Variants in PRKN observed in about 807,000 individuals in gnomAD.
PRKN encodes the protein parkin RBR E3 ubiquitin protein ligase, also known as E3 ubiquitin-protein ligase parkin.
Under a neutral mutation model 59.5 loss-of-function variants are expected in PRKN, and 56 were observed. The ratio of observed to expected loss-of-function variants is 0.94; its 90% CI spans 0.76 to 1.18. PRKN has a LOEUF of 1.18. Among genes scored for constraint, PRKN ranks in the 50% most tolerant of loss-of-function variants. PRKN has a pLI of 0.00. For missense variants in PRKN, 657 were observed against 596.4 expected, an observed-to-expected ratio of 1.10 and a Z score of -1.06; for synonymous variants, 250 against 222.1, an observed-to-expected ratio of 1.13 and a Z score of -1.12.
chr6:161,569,874 G>A (rs1033942817), intron 7 of PRKN, among the ~76,000 whole-genome samples: 6 of 152,180 alleles, frequency 3.9e-5, no homozygotes, highest in African/African-American at 9.6e-5. Context: ...AGCAAAGGTC[G>A]GGTAGCTACA....
intron 1 of PRKN, among the ~76,000 whole-genome samples, chr6:162,720,534 T>C (rs1778903097): frequency 7.0e-6 from 1 of 142,270 alleles, no homozygotes; most frequent in Non-Finnish European, 1.5e-5. Context: ...CACTGCAAGC[T>C]CCGCTTCCCG....
At chr6:162,646,723 C>G (rs1041563747) in intron 1 of PRKN, among the ~76,000 whole-genome samples, 1 of 152,146 alleles carries the variant, frequency 6.6e-6, no homozygotes, top group African/African-American at 2.4e-5. Flanking sequence ...CTGGTATAGC[C>G]TACTACACAC....
At chr6:161,532,851 G>T (rs1779275221) in intron 9 of PRKN, among the ~76,000 whole-genome samples, 1 of 152,116 alleles carries the variant, frequency 6.6e-6, no homozygotes, top group Non-Finnish European at 1.5e-5. Context: ...CTCAAATACT[G>T]GTAGAAAGCC....
chr6:161,527,744 T>A lies in PRKN; in HGVS notation c.1083+21110A>T, dbSNP rs1291898100. Reference sequence around the variant, plus strand: ...GCCAAGCTATTGCTAATCAGAACATTCTCCGGCTCTCCAGTCTTCTTTATT... The same window carrying A: ...GCCAAGCTATTGCTAATCAGAACATACTCCGGCTCTCCAGTCTTCTTTATT... On this transcript the variant is annotated intron_variant, in intron 9 of 11. Transcript: ENST00000366898. The surrounding 1 kb of genome is among the most constrained non-coding windows in gnomAD (Gnocchi z 4.6). 1.3e-5 allele frequency among the ~76,000 whole-genome samples: 2 copies of A among 152,204 alleles called. No individual in the cohort carries two copies. The highest frequency in any genetic ancestry group is 4.8e-5 in the African/African-American group (2 of 41,456).
chr6:162,391,536 T>C (rs1787192840), intron 2 of PRKN, among the ~76,000 whole-genome samples: 1 of 151,966 alleles, frequency 6.6e-6, no homozygotes, highest in South Asian at 2.1e-4. Context: ...TTCGAAAATC[T>C]GCAATGACTT....
intron 2 of PRKN, among the ~76,000 whole-genome samples, chr6:162,426,994 A>G (rs1178910689): frequency 6.6e-6 from 1 of 152,232 alleles, no homozygotes; most frequent in African/African-American, 2.4e-5. Flanking sequence ...TTGTGCATTA[A>G]AATAATTCAC....
chr6:162,497,426 A>T (rs909110970), intron 1 of PRKN, among the ~76,000 whole-genome samples: 21 of 152,256 alleles, frequency 1.4e-4, no homozygotes, highest in Non-Finnish European at 5.9e-5. Context: ...CCAAATTGTG[A>T]TTGTCAAAAT....
At chr6:162,490,275 T>C (rs1461707222) in intron 1 of PRKN, among the ~76,000 whole-genome samples, 1 of 152,244 alleles carries the variant, frequency 6.6e-6, no homozygotes, top group Admixed American at 6.5e-5. Context: ...TCTACCCTTT[T>C]ATGAAATATT....
chr6:162,313,547 G>GGGATTC (rs1188442514), intron 2 of PRKN, among the ~76,000 whole-genome samples: 1 of 151,870 alleles, frequency 6.6e-6, no homozygotes, highest in Non-Finnish European at 1.5e-5. Context: ...GAATCCAATG[G>GGGATTC]TGCGATCTTG....
At chr6:162,361,280 CAT>C (rs959558011) in intron 2 of PRKN, among the ~76,000 whole-genome samples, 16 of 152,040 alleles carry the variant, frequency 1.1e-4, no homozygotes. Context: ...TCAAAAAATT[CAT>C]ATGTTGAACC....
intron 6 of PRKN, among the ~76,000 whole-genome samples, chr6:161,907,299 C>T (rs556244696): frequency 1.7e-4 from 26 of 152,080 alleles, no homozygotes; most frequent in African/African-American, 5.5e-4. Flanking sequence ...AAGGCAAAAT[C>T]GTCAAGGGTT....
At chr6:162,273,490 GA>G (rs1318148925) in intron 2 of PRKN, among the ~76,000 whole-genome samples, 3 of 152,176 alleles carry the variant, frequency 2.0e-5, no homozygotes, top group East Asian at 3.9e-4. Flanking sequence ...ACAAAAAAAG[GA>G]ACCCAAAAGA....
chr6:161,602,121 T>TATCTATCTATCTATCA (rs1554281953), intron 7 of PRKN, among the ~76,000 whole-genome samples: 1 of 152,068 alleles, frequency 6.6e-6, no homozygotes, highest in African/African-American at 2.4e-5. Flanking sequence ...TCTATCTATC[T>TATCTATCTATCTATCA]ATCTATCTAT....
intron 7 of PRKN, among the ~76,000 whole-genome samples, chr6:161,657,578 C>G (rs1487659632): frequency 6.6e-6 from 1 of 152,154 alleles, no homozygotes; most frequent in African/African-American, 2.4e-5. Context: ...AACTCACTTC[C>G]AAAACATTCA....
intron 2 of PRKN, among the ~76,000 whole-genome samples, chr6:162,283,171 T>C (rs1304608753): frequency 6.6e-6 from 1 of 152,182 alleles, no homozygotes; most frequent in Non-Finnish European, 1.5e-5. Context: ...TACAAGCTCA[T>C]TTTACACACA....
chr6:161,365,892 G>A (rs1325591797), intron 10 of PRKN, among the ~76,000 whole-genome samples: 1 of 152,218 alleles, frequency 6.6e-6, no homozygotes. Context: ...AGGGGAGAGG[G>A]AGGTAGCTAG....
intron 1 of PRKN, among the ~76,000 whole-genome samples, chr6:162,556,296 G>A (rs1779566432): frequency 6.6e-6 from 1 of 150,826 alleles, no homozygotes; most frequent in African/African-American, 2.4e-5. Context: ...TTTGATCAGA[G>A]GCAACTGAAG....
intron 7 of PRKN, among the ~76,000 whole-genome samples, chr6:161,762,133 T>A (rs1789229607): frequency 6.6e-6 from 1 of 152,084 alleles, no homozygotes; most frequent in Non-Finnish European, 1.5e-5. Context: ...GGAATTTAGG[T>A]AGCCAAGAAA....
chr6:162,530,647 G>A (rs182864655), intron 1 of PRKN, among the ~76,000 whole-genome samples: 24 of 144,344 alleles, frequency 1.7e-4, no homozygotes, highest in South Asian at 1.5e-3. Flanking sequence ...ACTGGAAAGC[G>A]TCTTATGAAG....
Sources: gnomAD v4.1 joint callset for allele counts (sites outside exome capture counted in the v4.1 genomes callset) on GRCh38, gnomAD v4.1.1 for gene constraint, Gnocchi (gnomAD v3.1) non-coding constraint, MANE v1.5 for transcripts, NCBI Gene and HGNC (gene_info 2026-07-23, HGNC 2026-07-21) for gene names.